TUBGCP6: variants seen among roughly 807,000 people sequenced by gnomAD.
TUBGCP6 encodes the protein tubulin gamma complex component 6.
A neutral mutation model predicts 175.8 loss-of-function variants in TUBGCP6; 161 were observed. The observed-to-expected ratio is 0.92, with a 90% CI of 0.81 to 1.04. TUBGCP6 has a LOEUF of 1.04. Ranked by LOEUF, TUBGCP6 falls within the 50% of genes least tolerant of loss-of-function variation. TUBGCP6 has a pLI of 0.00. For missense variants in TUBGCP6, 2,572 were observed against 2,433.0 expected (o/e 1.06, Z -1.20); for synonymous variants, 1,173 against 1,030.5 (o/e 1.14, Z -2.65).
At chr22:50,228,436 G>T (rs1193337586) in intron 4 of TUBGCP6, among the ~76,000 whole-genome samples, 1 of 152,152 alleles carries the variant, frequency 6.6e-6, no homozygotes, top group Non-Finnish European at 1.5e-5. Flanking sequence ...CACTAGTGCT[G>T]TGAGGGCTGC....
At chr22:50,239,918 C>T (rs566595584) in intron 2 of TUBGCP6, among the ~76,000 whole-genome samples, 1 of 152,040 alleles carries the variant, frequency 6.6e-6, no homozygotes, top group East Asian at 1.9e-4. Flanking sequence ...GAGCTCTGCC[C>T]GACAGGTGTG....
intron 7 of TUBGCP6, 31 bp downstream of exon 7, chr22:50,226,702 G>A (rs757416184): frequency 1.4e-5 from 22 of 1,537,130 alleles, no homozygotes; most frequent in Admixed American, 3.9e-5. Flanking sequence ...GGGAGTGCGC[G>A]CCCGCCGCGC....
chr22:50,243,795 C>G lies in TUBGCP6; in HGVS notation c.665G>C (p.Arg222Pro). ...VSLFGALVHS[R>P]TYDMDVRLGL... is the part of the protein sequence containing the mutation. The stretch of plus-strand genomic sequence containing the variant: ...CAGTCGGACGTCCATGTCATAAGTG[C>G]GGCTGTGCACAAGGGCCCCGAAGAG... Residue 222 changes from arginine to proline, a missense_variant, in exon 1 of 25, where the codon CGC (arginine) becomes CCC (proline). Coordinates refer to ENST00000248846, the MANE Select transcript of TUBGCP6 (RefSeq NM_020461.4). 6.2e-7 allele frequency: 1 copy of G among 1,613,586 alleles called. No homozygotes were observed. Among genetic ancestry groups the G allele is most frequent in the Non-Finnish European group, 8.5e-7 (1 of 1,179,996 alleles).
At chr22:50,242,886 G>A (rs2147218264) in intron 1 of TUBGCP6, among the ~76,000 whole-genome samples, 1 of 152,354 alleles carries the variant, frequency 6.6e-6, no homozygotes, top group East Asian at 1.9e-4. Context: ...AAGATGAAAA[G>A]CAGCATGTTG....
In TUBGCP6 at chr22:50,244,486, C is replaced by T. The variant is rs921134294; in HGVS notation, c.-27G>A. 1.3e-6 allele frequency: 2 copies of T among 1,584,766 alleles called. No individual in the cohort carries two copies. The highest frequency in any genetic ancestry group is 8.6e-7 in the Non-Finnish European group (1 of 1,166,582). On this transcript the variant is annotated 5_prime_UTR_variant, in exon 1 of 25. Coordinates refer to ENST00000248846, the MANE Select transcript of TUBGCP6 (RefSeq NM_020461.4). ...CCCCTTCTCAGCTCCGGGCCCCCGG[C>T]GTGTGGGAAAACACCTCACCCGGGC... is the stretch of plus-strand genomic sequence containing the variant.
rs770051048 is a variant in TUBGCP6, at chr22:50,218,011, GGGGC to G, written c.5271_5274del (p.Pro1758LeufsTer33). 8 of 1,612,306 alleles carry G rather than the reference GGGGC, an allele frequency of 5.0e-6. No homozygotes were observed. The highest frequency in any genetic ancestry group is 6.8e-6 in the Non-Finnish European group (8 of 1,179,468). On this transcript the variant is annotated frameshift_variant, in exon 24 of 25. Coordinates refer to ENST00000248846, the MANE Select transcript of TUBGCP6 (RefSeq NM_020461.4). LOFTEE classifies it high-confidence loss of function. The stretch of plus-strand genomic sequence containing the variant: ...TGCTCTGCACCCCGCGGGCCCCCAG[GGGGC>G]CCCCAGGCCTGGGAGATGAGCTGGC...
intron 10 of TUBGCP6, among the ~76,000 whole-genome samples, 175 bp downstream of exon 10, chr22:50,225,619 A>G (rs1345684153): frequency 4.2e-5 from 4 of 96,212 alleles, no homozygotes; most frequent in Non-Finnish European, 9.2e-5. Context: ...CCCCGTTGAC[A>G]CCCACCCTTC....
chr22:50,226,579 G>A (rs2064613726), intron 7 of TUBGCP6, among the ~76,000 whole-genome samples, 154 bp downstream of exon 7: 1 of 149,622 alleles, frequency 6.7e-6, no homozygotes, highest in African/African-American at 2.5e-5. Flanking sequence ...GTGGGGGCAG[G>A]GTGGGGGGTT....
Position 50,219,777 on chromosome 22 carries a change from G to A in TUBGCP6, c.4182C>T (p.Ala1394=), listed in dbSNP as rs565771303. Residue 1394 remains alanine, a synonymous_variant, in exon 18 of 25, where the codon GCC becomes GCT. Coordinates refer to ENST00000248846, the MANE Select transcript of TUBGCP6 (RefSeq NM_020461.4). ...CCTCACCACGGCCTGGGCTGCTCTG[G>A]GCAGCTGTGTCTTCCTAACAAAACA... is the stretch of plus-strand genomic sequence containing the variant. The part of the protein sequence containing the change: ...WPLNSQEDTA[A]QSSPGRGEEA... 1.6e-4 allele frequency: 266 copies of A among 1,613,560 alleles called. No individual in the cohort carries two copies. In the South Asian group the frequency reaches 2.8e-3, roughly 17 times the overall value.
At chr22:50,239,909 A>C (rs1377536720) in intron 2 of TUBGCP6, among the ~76,000 whole-genome samples, 1 of 151,622 alleles carries the variant, frequency 6.6e-6, no homozygotes, top group African/African-American at 2.4e-5. Flanking sequence ...CGGGGAGGGG[A>C]GCTCTGCCCG....
chr22:50,239,414 T>C (rs1408415577), intron 2 of TUBGCP6, among the ~76,000 whole-genome samples: 1 of 152,192 alleles, frequency 6.6e-6, no homozygotes, highest in Admixed American at 6.5e-5. Flanking sequence ...TGACTTCAAG[T>C]GATCTGCCCG....
rs757289138 is a variant in TUBGCP6 at position 50,221,404 on chromosome 22, C to A, written c.2955G>T (p.Trp985Cys). The A allele has an allele frequency of 3.7e-6, 6 of 1,605,768 alleles. No individual in the cohort carries two copies. The highest frequency in any genetic ancestry group is 3.4e-5 in the Admixed American group (2 of 59,618). Residue 985 changes from tryptophan (W) to cysteine (C), a missense_variant, in exon 16 of 25, where the codon TGG becomes TGT. By Grantham distance (215) the Trp-to-Cys change is radical. Coordinates refer to ENST00000248846, the MANE Select transcript of TUBGCP6 (RefSeq NM_020461.4). ...CSLGSSGLQLWEDSCGKMDAC... is the reference protein window; with the variant it reads ...CSLGSSGLQLCEDSCGKMDAC... ...CATCCATCTTCCCACAACTGTCCTCCCACAGCTGTAGCCCTGAGCTGCCCA... is the reference window on the plus strand; with the variant it reads ...CATCCATCTTCCCACAACTGTCCTCACACAGCTGTAGCCCTGAGCTGCCCA...
At chr22:50,225,601 T>C (rs2064594302) in intron 10 of TUBGCP6, among the ~76,000 whole-genome samples, 193 bp downstream of exon 10, 2 of 66,116 alleles carry the variant, frequency 3.0e-5, no homozygotes, top group Non-Finnish European at 6.1e-5. Flanking sequence ...CCACCCTTCA[T>C]CTCAACTCCC....
chr22:50,240,430 A>T, intron 1 of TUBGCP6, 63 bp from the exon 2 acceptor site: 1 of 1,592,370 alleles, frequency 6.3e-7, no homozygotes, highest in Non-Finnish European at 8.6e-7. Context: ...TCCAAGGGCG[A>T]TGAGAATTTC....
intron 3 of TUBGCP6, among the ~76,000 whole-genome samples, chr22:50,230,500 A>G (rs2064673558): frequency 6.6e-6 from 1 of 151,710 alleles, no homozygotes; most frequent in African/African-American, 2.4e-5. Context: ...CCAGCTACGC[A>G]GGAGGCTGAG....
intron 21 of TUBGCP6, 40 bp downstream of exon 21, chr22:50,218,663 G>A (rs1037029805): frequency 5.6e-6 from 9 of 1,613,514 alleles, no homozygotes; most frequent in Non-Finnish European, 7.6e-6. Context: ...CAGGCAGGCA[G>A]GCCCCTGTCC....
At chr22:50,242,690 C>G (rs1007587143) in intron 1 of TUBGCP6, among the ~76,000 whole-genome samples, 1 of 152,214 alleles carries the variant, frequency 6.6e-6, no homozygotes, top group African/African-American at 2.4e-5. Context: ...AGGCGACAGA[C>G]AGCAAAAACA....
intron 13 of TUBGCP6, chr22:50,223,780 C>CA (rs34989677): frequency 0.07 from 4,480 of 63,866 alleles, 72 homozygotes; most frequent in Non-Finnish European, 0.078. Context: ...ACTCTGTTTC[C>CA]AAAAAAAAAA....
rs373832505 is a variant in TUBGCP6, at chr22:50,233,367, G to A, written c.1065C>T (p.Asp355=). 3.7e-5 allele frequency: 59 copies of A among 1,614,032 alleles called. 1 individual carries two copies. The African/African-American group carries it at 4.4e-4, about 12-fold the overall frequency. ...VLVKECELVK[D]VLNVLIGVVS... ...CGACCCCAATCAAGACGTTCAGCAC[G>A]TCTTTCACCAGCTCGCACTCCTTCA... Residue 355 remains aspartate, a synonymous_variant, in exon 3 of 25, where the codon GAC becomes GAT. Coordinates refer to ENST00000248846, the MANE Select transcript of TUBGCP6 (RefSeq NM_020461.4).
Sources: gnomAD v4.1 joint callset for allele counts (sites outside exome capture counted in the v4.1 genomes callset) on GRCh38, gnomAD v4.1.1 for gene constraint, MANE v1.5 for transcripts, NCBI Gene and HGNC (gene_info 2026-07-23, HGNC 2026-07-21) for gene names.